Variants in PSMD14 observed in about 807,000 individuals in gnomAD.
PSMD14 encodes proteasome 26S subunit, non-ATPase 14.
PSMD14 carries 7 observed loss-of-function variants against 41.2 expected under a neutral mutation model. That is an observed-to-expected ratio of 0.17 (90% CI 0.10 to 0.32). The LOEUF (loss-of-function observed/expected upper bound fraction) is 0.32, where lower values mean the gene tolerates loss of function less well. PSMD14 is among the 10% of genes least tolerant of loss of function. The probability of loss-of-function intolerance (pLI) is 1.00; values close to 1 mark genes in which losing one functional copy is unlikely to be tolerated. For synonymous variants in PSMD14, 114 were observed against 122.3 expected, an observed-to-expected ratio of 0.93 and a Z score of 0.45; for missense variants, 139 against 375.6, an observed-to-expected ratio of 0.37 and a Z score of 5.21.
chr2:161,334,009 A>G (rs984291939), intron 3 of PSMD14, among the ~76,000 whole-genome samples: 1 of 148,396 alleles, frequency 6.7e-6, no homozygotes, highest in African/African-American at 2.5e-5. Flanking sequence ...CCAGCCTGGG[A>G]CAGAGCAAGA....
intron 2 of PSMD14, among the ~76,000 whole-genome samples, chr2:161,317,300 T>G (rs534172739): frequency 6.6e-6 from 1 of 152,312 alleles, no homozygotes; most frequent in East Asian, 1.9e-4. Flanking sequence ...CGTTTTCTTA[T>G]ATGCCTTTTC....
intron 3 of PSMD14, among the ~76,000 whole-genome samples, chr2:161,339,276 C>T (rs750178161): frequency 1.6e-4 from 24 of 152,092 alleles, no homozygotes; most frequent in Non-Finnish European, 2.5e-4. Context: ...TGAGAGTTCC[C>T]GTTCTTCCAC....
intron 3 of PSMD14, among the ~76,000 whole-genome samples, chr2:161,356,900 C>A (rs1234867984): frequency 6.6e-6 from 1 of 150,982 alleles, no homozygotes; most frequent in Non-Finnish European, 1.5e-5. Flanking sequence ...CACTTTAGTT[C>A]ATGTTTAATC....
intron 3 of PSMD14, among the ~76,000 whole-genome samples, chr2:161,345,829 T>C (rs2105244502): frequency 6.6e-6 from 1 of 152,338 alleles, no homozygotes; most frequent in East Asian, 1.9e-4. Context: ...GCTTTATTTT[T>C]TTCCCCAATC....
At chr2:161,374,425 A>G (rs1235419215) in intron 7 of PSMD14, among the ~76,000 whole-genome samples, 1 of 151,996 alleles carries the variant, frequency 6.6e-6, no homozygotes, top group Non-Finnish European at 1.5e-5. Flanking sequence ...AACATAAATA[A>G]TGAAATACAC....
At chr2:161,408,342 C>T (rs183925105) in intron 10 of PSMD14, 46 of 156,154 alleles carry the variant, frequency 2.9e-4, no homozygotes, top group Admixed American at 2.0e-3. Context: ...GATCAAAAGT[C>T]GGTAGCTCCT....
chr2:161,369,124 A>G (rs1683398171), intron 5 of PSMD14, among the ~76,000 whole-genome samples: 1 of 151,956 alleles, frequency 6.6e-6, no homozygotes, highest in Non-Finnish European at 1.5e-5. Context: ...AAACTAACTT[A>G]TATATGTTAT....
chr2:161,400,659 T>C (rs1256090675), intron 10 of PSMD14, among the ~76,000 whole-genome samples: 1 of 152,150 alleles, frequency 6.6e-6, no homozygotes, highest in Non-Finnish European at 1.5e-5. Context: ...GCTCAAGCAA[T>C]CCTCCTGCCT....
intron 10 of PSMD14, among the ~76,000 whole-genome samples, chr2:161,402,815 CA>C (rs1683898127): frequency 6.6e-6 from 1 of 151,902 alleles, no homozygotes; most frequent in African/African-American, 2.4e-5. Context: ...CAAATGGTTA[CA>C]AACACATAAA....
At chr2:161,347,937 G>A (rs2105245636) in intron 3 of PSMD14, among the ~76,000 whole-genome samples, 1 of 152,272 alleles carries the variant, frequency 6.6e-6, no homozygotes, top group Non-Finnish European at 1.5e-5. Context: ...GCTTGGGAAA[G>A]TTTTATCTAA....
At chr2:161,389,101 T>A (rs940915317) in intron 8 of PSMD14, among the ~76,000 whole-genome samples, 7 of 152,202 alleles carry the variant, frequency 4.6e-5, no homozygotes, top group Non-Finnish European at 7.3e-5. Context: ...TAATTGAAAA[T>A]CAAGTAGATT....
chr2:161,334,593 G>A (rs1047425864), intron 3 of PSMD14, among the ~76,000 whole-genome samples: 1 of 152,220 alleles, frequency 6.6e-6, no homozygotes, highest in East Asian at 1.9e-4. Context: ...TCTTTTTAAA[G>A]TGCTCCTCTG....
chr2:161,357,165 GA>G lies in PSMD14; in HGVS notation c.49-10302del, dbSNP rs576176358. 4.6e-3 allele frequency among the ~76,000 whole-genome samples: 627 copies of G among 136,812 alleles called. 4 individuals carry two copies. The highest frequency in any genetic ancestry group is 0.014 in the African/African-American group (527 of 37,160). 89.8% of individuals were successfully genotyped at this position (136,812 alleles called of 152,430 possible). On this transcript the variant is annotated intron_variant, in intron 3 of 11. Transcript: ENST00000409682. ...GGATCAGATTTTAATCTTCTAAATGGAAAAAAAAAAATCCACCTCATGCCTC... is the reference window on the plus strand; with the variant it reads ...GGATCAGATTTTAATCTTCTAAATGGAAAAAAAAAATCCACCTCATGCCTC...
chr2:161,382,775 A>G (rs888077800), intron 7 of PSMD14: 8 of 151,814 alleles, frequency 5.3e-5, no homozygotes, highest in Non-Finnish European at 1.2e-4. Flanking sequence ...GTTTGAGTTT[A>G]TAAGATATAA....
chr2:161,374,158 C>A (rs550718021), intron 7 of PSMD14, among the ~76,000 whole-genome samples: 1 of 151,974 alleles, frequency 6.6e-6, no homozygotes, highest in African/African-American at 2.4e-5. Flanking sequence ...AGAGTAACTG[C>A]AGAATGCAAA....
intron 3 of PSMD14, among the ~76,000 whole-genome samples, chr2:161,361,131 T>C (rs890751831): frequency 6.6e-6 from 1 of 152,222 alleles, no homozygotes; most frequent in African/African-American, 2.4e-5. Flanking sequence ...TTTGTTACAC[T>C]TTAATTTTTT....
rs114487257 is a variant in PSMD14 at position 161,315,397 on chromosome 2, G to A, written c.-137-1040G>A. 2.6e-3 allele frequency among the ~76,000 whole-genome samples: 398 copies of A among 152,194 alleles called. 5 individuals are homozygous for A. The highest frequency in any genetic ancestry group is 0.013 in the South Asian group (61 of 4,810). On this transcript the variant is annotated intron_variant, in intron 1 of 11. Coordinates refer to ENST00000409682, the MANE Select transcript of PSMD14 (RefSeq NM_005805.6). ...TTCATCTTTGATTTTGTAGTAATGTGAAACATTTTCTTTGTTGCTTTTTTT... is the reference window on the plus strand; with the variant it reads ...TTCATCTTTGATTTTGTAGTAATGTAAAACATTTTCTTTGTTGCTTTTTTT...
chr2:161,314,753 A>G (rs1689128908), intron 1 of PSMD14, among the ~76,000 whole-genome samples: 4 of 152,188 alleles, frequency 2.6e-5, no homozygotes, highest in Admixed American at 2.6e-4. Context: ...ACAGTATTTC[A>G]TATTACAATA....
chr2:161,354,437 G>A (rs1030370916), intron 3 of PSMD14, among the ~76,000 whole-genome samples: 2 of 152,102 alleles, frequency 1.3e-5, no homozygotes, highest in African/African-American at 4.8e-5. Flanking sequence ...TGTAGAGACG[G>A]TTTCGTCATG....
Sources: gnomAD v4.1 joint callset for allele counts (sites outside exome capture counted in the v4.1 genomes callset) on GRCh38, gnomAD v4.1.1 for gene constraint, MANE v1.5 for transcripts, NCBI Gene and HGNC (gene_info 2026-07-23, HGNC 2026-07-21) for gene names.